Variants in MACROD2 observed in about 807,000 individuals in gnomAD.
The protein encoded by MACROD2 is ADP-ribose glycohydrolase MACROD2.
In MACROD2, 36 loss-of-function variants were observed where a neutral mutation model predicts 70.4. The ratio of observed to expected loss-of-function variants is 0.51; its 90% CI spans 0.39 to 0.68. The LOEUF (loss-of-function observed/expected upper bound fraction) is 0.68, where lower values mean the gene tolerates loss of function less well. Ranked by LOEUF, MACROD2 falls within the 30% of genes least tolerant of loss-of-function variation. MACROD2 has a pLI of 0.00. For missense variants in MACROD2, 496 were observed against 538.4 expected (o/e 0.92, Z 0.78); for synonymous variants, 172 against 178.8 (o/e 0.96, Z 0.30).
intron 5 of MACROD2, among the ~76,000 whole-genome samples, chr20:14,771,791 G>A (rs565240325): frequency 6.6e-6 from 1 of 151,120 alleles, no homozygotes; most frequent in Non-Finnish European, 1.5e-5. Flanking sequence ...ATATGTATGT[G>A]TATATATATA....
intron 5 of MACROD2, among the ~76,000 whole-genome samples, chr20:14,863,613 T>G (rs1479160866): frequency 6.6e-6 from 1 of 151,986 alleles, no homozygotes; most frequent in Non-Finnish European, 1.5e-5. Context: ...TTCCAAATTG[T>G]AAAGAAGAAA....
intron 5 of MACROD2, among the ~76,000 whole-genome samples, chr20:14,705,367 C>T (rs2071257292): frequency 6.6e-6 from 1 of 151,998 alleles, no homozygotes; most frequent in Non-Finnish European, 1.5e-5. Flanking sequence ...AAATAATGCC[C>T]CTCTATGCCT....
chr20:14,421,992 G>T (rs1653665786), intron 3 of MACROD2, among the ~76,000 whole-genome samples: 1 of 152,096 alleles, frequency 6.6e-6, no homozygotes, highest in South Asian at 2.1e-4. Flanking sequence ...GCAAGGTATT[G>T]AGTCTTCGAC....
At chr20:14,196,750 A>G (rs1444762945) in intron 3 of MACROD2, among the ~76,000 whole-genome samples, 1 of 152,138 alleles carries the variant, frequency 6.6e-6, no homozygotes, top group Non-Finnish European at 1.5e-5. Context: ...TTCTTCATCT[A>G]TTTGGGTCTC....
intron 5 of MACROD2, among the ~76,000 whole-genome samples, chr20:15,150,182 A>G (rs1233902054): frequency 6.6e-6 from 1 of 152,028 alleles, no homozygotes; most frequent in African/African-American, 2.4e-5. Context: ...GATGGAGGCT[A>G]TCTGTGAGGG....
chr20:16,033,536 T>C (rs2067183056), intron 15 of MACROD2, among the ~76,000 whole-genome samples: 1 of 151,992 alleles, frequency 6.6e-6, no homozygotes, highest in Non-Finnish European at 1.5e-5. Context: ...TTCTTAAGGG[T>C]CAGTGATAAA....
chr20:14,196,462 T>G (rs2081433707), intron 3 of MACROD2, among the ~76,000 whole-genome samples: 1 of 152,228 alleles, frequency 6.6e-6, no homozygotes, highest in Non-Finnish European at 1.5e-5. Flanking sequence ...TATAATGAAG[T>G]AGAATATTTC....
chr20:14,784,670 G>C (rs966698611), intron 5 of MACROD2, among the ~76,000 whole-genome samples: 2 of 37,010 alleles, frequency 5.4e-5, no homozygotes, highest in African/African-American at 4.0e-4. Context: ...GTTTTAAGTG[G>C]GGGGGGGGGG....
chr20:14,846,731 A>G (rs1056950882), intron 5 of MACROD2, among the ~76,000 whole-genome samples: 1 of 151,972 alleles, frequency 6.6e-6, no homozygotes, highest in Non-Finnish European at 1.5e-5. Flanking sequence ...GTTAGCCAGG[A>G]TGGTCTTGAT....
At chr20:15,827,653 G>C (rs2064011880) in intron 8 of MACROD2, among the ~76,000 whole-genome samples, 1 of 152,156 alleles carries the variant, frequency 6.6e-6, no homozygotes, top group Non-Finnish European at 1.5e-5. Context: ...GGGGGACTTT[G>C]GGAGAGGTCT....
At chr20:14,022,117 C>T (rs2053091219) in intron 2 of MACROD2, among the ~76,000 whole-genome samples, 1 of 152,124 alleles carries the variant, frequency 6.6e-6, no homozygotes, top group South Asian at 2.1e-4. Flanking sequence ...TGGCGAATAG[C>T]TAGTAATTTA....
chr20:14,739,805 A>C (rs1307424911), intron 5 of MACROD2, among the ~76,000 whole-genome samples: 1 of 152,062 alleles, frequency 6.6e-6, no homozygotes, highest in Non-Finnish European at 1.5e-5. Context: ...TGATATATTC[A>C]CATAATAAAA....
At chr20:15,480,744 A>G (rs946676541) in intron 7 of MACROD2, among the ~76,000 whole-genome samples, 1 of 150,550 alleles carries the variant, frequency 6.6e-6, no homozygotes, top group Non-Finnish European at 1.5e-5. Flanking sequence ...TCCCCATGCC[A>G]CTCCCTTTTT....
chr20:15,776,777 A>G (rs2051729314), intron 8 of MACROD2, among the ~76,000 whole-genome samples: 1 of 152,172 alleles, frequency 6.6e-6, no homozygotes, highest in African/African-American at 2.4e-5. Context: ...AGAGAACAGA[A>G]ACCAAAGCAA....
chr20:15,067,108 C>T lies in MACROD2; in HGVS notation c.419-162832C>T, dbSNP rs114115583. ...TCTTCTAAGAGTCAGAAACAAATTC[C>T]GATAATGTAGAGAAAGTTCATTAGC... On this transcript the variant is annotated intron_variant, in intron 5 of 17. Coordinates refer to ENST00000684519, the MANE Select transcript of MACROD2 (RefSeq NM_001351661.2). Among the ~76,000 whole-genome samples, 1,315 of 151,992 alleles carry T rather than the reference C, an allele frequency of 8.7e-3. 21 individuals carry two copies. Among genetic ancestry groups the T allele is most frequent in the African/African-American group, 0.03 (1,238 of 41,448 alleles).
intron 5 of MACROD2, among the ~76,000 whole-genome samples, chr20:15,010,050 T>C (rs1194178531): frequency 1.3e-5 from 2 of 152,148 alleles, no homozygotes; most frequent in Non-Finnish European, 2.9e-5. Context: ...AAAAACAACA[T>C]GTTGCCCTAC....
intron 5 of MACROD2, among the ~76,000 whole-genome samples, chr20:14,862,005 T>TTATATATATATATATATATTTATATA (rs369595827): frequency 8.5e-5 from 1 of 11,788 alleles, no homozygotes; most frequent in African/African-American, 3.4e-4. Flanking sequence ...ATATATATAT[T>TTATATATATATATATATATTTATATA]TATATATATA....
intron 6 of MACROD2, among the ~76,000 whole-genome samples, chr20:15,366,135 G>C (rs1180968911): frequency 2.0e-5 from 3 of 152,210 alleles, no homozygotes. Context: ...CTCTGGAACA[G>C]AGTATTCATC....
At chr20:14,363,596 G>A (rs1206647356) in intron 3 of MACROD2, among the ~76,000 whole-genome samples, 2 of 151,314 alleles carry the variant, frequency 1.3e-5, no homozygotes, top group African/African-American at 2.4e-5. Flanking sequence ...CGAGGTGGGC[G>A]GATCACGAGG....
Sources: allele counts gnomAD v4.1 joint callset (sites outside exome capture counted in the v4.1 genomes callset), GRCh38; gene constraint gnomAD v4.1.1; transcripts MANE v1.5; gene names NCBI Gene and HGNC (gene_info 2026-07-23, HGNC 2026-07-21).